PRMT9: variants seen among roughly 807,000 people sequenced by gnomAD.
PRMT9 encodes the protein protein arginine N-methyltransferase 9.
In PRMT9, 59 loss-of-function variants were observed where a neutral mutation model predicts 83.2. The observed-to-expected ratio is 0.71, with a 90% CI of 0.57 to 0.88. The LOEUF (loss-of-function observed/expected upper bound fraction) is 0.88. Among genes scored for constraint, PRMT9 ranks in the 40% least tolerant of loss-of-function variants. PRMT9 has a pLI of 0.00. For synonymous variants in PRMT9, 333 were observed against 353.2 expected (o/e 0.94, Z 0.64); for missense variants, 947 against 1,021.9 (o/e 0.93, Z 1.00).
intron 6 of PRMT9, among the ~76,000 whole-genome samples, chr4:147,667,676 A>C (rs1735432452): frequency 1.3e-5 from 2 of 152,228 alleles, no homozygotes; most frequent in South Asian, 4.1e-4. Context: ...ACCACTTATC[A>C]GTATGTCCTA....
In PRMT9 at chr4:147,639,061, C is replaced by T; in HGVS notation, c.2221G>A (p.Asp741Asn). The change falls in exon 11 of 12, where the codon GAC becomes AAC. Residue 741 changes from aspartate to asparagine, a missense_variant. Transcript: ENST00000322396. ...QFQVPIRVFL[D>N]LSSLPCIPLS... ...GGTATACAGGGCAATGAGGATAGGT[C>T]CAAAAATACACGTATAGGTACCTAG... The T allele has an allele frequency of 6.2e-7, 1 of 1,613,390 alleles. No individual in the cohort carries two copies. Among genetic ancestry groups the T allele is most frequent in the East Asian group, 2.2e-5 (1 of 44,766 alleles).
intron 1 of PRMT9, among the ~76,000 whole-genome samples, chr4:147,682,720 C>T (rs1040887128): frequency 2.0e-5 from 3 of 152,210 alleles, no homozygotes; most frequent in African/African-American, 7.2e-5. Flanking sequence ...TGAGTTGATC[C>T]ATTTTTCTAT....
chr4:147,643,746 A>G (rs1195925879), intron 9 of PRMT9, among the ~76,000 whole-genome samples: 2 of 152,120 alleles, frequency 1.3e-5, no homozygotes, highest in African/African-American at 2.4e-5. Context: ...TATAATCCCA[A>G]TACTTTGGGA....
intron 9 of PRMT9, among the ~76,000 whole-genome samples, chr4:147,643,635 C>G (rs145297408): frequency 2.6e-5 from 4 of 152,338 alleles, no homozygotes; most frequent in African/African-American, 9.6e-5. Context: ...AAGGGGGAAA[C>G]AGTAACTTAC....
intron 4 of PRMT9, among the ~76,000 whole-genome samples, chr4:147,671,087 C>T (rs1431573531): frequency 6.6e-6 from 1 of 152,140 alleles, no homozygotes; most frequent in East Asian, 1.9e-4. Flanking sequence ...CTTTATCAGT[C>T]TCTTCCTTAA....
chr4:147,651,148 T>C (rs765303259), intron 9 of PRMT9, among the ~76,000 whole-genome samples: 1 of 151,736 alleles, frequency 6.6e-6, no homozygotes, highest in African/African-American at 2.4e-5. Flanking sequence ...CCACAAATTA[T>C]GTTCAGAAAA....
intron 9 of PRMT9, among the ~76,000 whole-genome samples, chr4:147,653,530 G>C (rs1182640953): frequency 6.6e-6 from 1 of 151,794 alleles, no homozygotes. Flanking sequence ...GTCCCTTGGA[G>C]AAAGACTAAT....
At chr4:147,665,343 C>A (rs911399858) in intron 6 of PRMT9, among the ~76,000 whole-genome samples, 1 of 152,082 alleles carries the variant, frequency 6.6e-6, no homozygotes, top group South Asian at 2.1e-4. Context: ...ACTGTAAGGA[C>A]GAGCTGTACT....
Position 147,657,994 on chromosome 4 carries a change from G to GA in PRMT9, c.1147-20dup, listed in dbSNP as rs1734654942. ...TTAATTCCTGAGAAAAATGTAGAAG[G>GA]AATGAAACGGTTTTATATATTTCAT... On this transcript the variant is annotated intron_variant, in intron 7 of 11. Transcript: ENST00000322396. 1 of 1,505,828 alleles carries GA rather than the reference G, an allele frequency of 6.6e-7. No individual in the cohort carries two copies. The highest frequency in any genetic ancestry group is 2.3e-5 in the East Asian group (1 of 44,122). The allele number at this position is 1,505,828 out of a possible 1,614,324, so 93.3% of individuals were successfully genotyped here. A position where few individuals can be genotyped will look rare whatever the true frequency, so the allele number is the denominator to read the frequency against.
chr4:147,648,578 T>C (rs1733889303), intron 9 of PRMT9, among the ~76,000 whole-genome samples: 1 of 152,160 alleles, frequency 6.6e-6, no homozygotes, highest in African/African-American at 2.4e-5. Flanking sequence ...TGTGAACCAC[T>C]CTAGCAAAGT....
chr4:147,646,722 T>A (rs1560969794), intron 9 of PRMT9, among the ~76,000 whole-genome samples: 1 of 152,130 alleles, frequency 6.6e-6, no homozygotes. Context: ...CAGACACCTT[T>A]TGAGTGTACT....
In PRMT9 at chr4:147,654,501, T is replaced by G; in HGVS notation, c.1396A>C (p.Ile466Leu). The change falls in exon 9 of 12, where the codon ATC (isoleucine) becomes CTC (leucine). Residue 466 changes from isoleucine to leucine, a missense_variant. Ile to Leu is a conservative substitution (Grantham distance 5). Coordinates refer to ENST00000322396, the MANE Select transcript of PRMT9 (RefSeq NM_138364.4). ...EVSCQDCYLR[I>L]QSISVLGLEC... ...AAACCCAAGACACTAATACTCTGGA[T>G]TCTTAAGTAACAGTCTTGACAAGAT... 2 of 1,614,028 alleles carry G rather than the reference T, an allele frequency of 1.2e-6. No homozygotes were observed. Among genetic ancestry groups the G allele is most frequent in the Non-Finnish European group, 1.7e-6 (2 of 1,179,998 alleles).
At chr4:147,639,670 C>A (rs1276843459) in intron 10 of PRMT9, among the ~76,000 whole-genome samples, 1 of 152,166 alleles carries the variant, frequency 6.6e-6, no homozygotes, top group Non-Finnish European at 1.5e-5. Flanking sequence ...TTGTGAATCA[C>A]TATTAAGTGT....
chr4:147,670,049 T>C (rs1735625584), intron 5 of PRMT9, among the ~76,000 whole-genome samples: 1 of 152,198 alleles, frequency 6.6e-6, no homozygotes, highest in Non-Finnish European at 1.5e-5. Context: ...CCATAGTCAG[T>C]CCGTCCATAA....
intron 10 of PRMT9, among the ~76,000 whole-genome samples, chr4:147,641,620 TTC>T (rs897460155): frequency 2.0e-5 from 3 of 152,156 alleles, no homozygotes; most frequent in Admixed American, 6.5e-5. Context: ...GAGAGTAAAC[TTC>T]TCTCTTTATT....
At chr4:147,650,914 A>G (rs772289106) in intron 9 of PRMT9, among the ~76,000 whole-genome samples, 27 of 152,208 alleles carry the variant, frequency 1.8e-4, no homozygotes, top group Non-Finnish European at 3.7e-4. Flanking sequence ...CATCCTGGCT[A>G]ACACGGTGAA....
At position 147,642,902 on chromosome 4, in the gene PRMT9, T is replaced by C; in HGVS notation, c.2084A>G (p.Tyr695Cys). 1 of 1,614,070 alleles carries C rather than the reference T, an allele frequency of 6.2e-7. No individual in the cohort carries two copies. Among genetic ancestry groups the C allele is most frequent in the South Asian group, 1.1e-5 (1 of 91,078 alleles). The change falls in exon 10 of 12, where the codon TAT (tyrosine) becomes TGT (cysteine). Residue 695 changes from tyrosine to cysteine, a missense_variant. Physicochemically the swap from Tyr to Cys is radical, Grantham distance 194. Coordinates refer to ENST00000322396, the MANE Select transcript of PRMT9 (RefSeq NM_138364.4). ...LQSGGKIFPQ[Y>C]VLMFGLLVES... ...CACAAGCAACCCAAACATCAGCACA[T>C]ACTGAGGAAAGATCTTGCCTCCAGA... is the stretch of plus-strand genomic sequence containing the variant.
intron 4 of PRMT9, chr4:147,671,800 A>T: frequency 2.2e-6 from 1 of 454,026 alleles, no homozygotes; most frequent in Non-Finnish European, 4.4e-6. Flanking sequence ...TGTGAGAAAA[A>T]GGTAGATTAA....
rs1736680712 is a variant in PRMT9, at chr4:147,683,906, A to C, written c.82T>G (p.Ser28Ala). The C allele has an allele frequency of 1.9e-6, 3 of 1,613,290 alleles. No individual in the cohort carries two copies. Among genetic ancestry groups the C allele is most frequent in the Non-Finnish European group, 1.7e-6 (2 of 1,179,874 alleles). Reference protein sequence around the residue: ...AAGRDELVSRSLQSAEHCLGV... With the variant: ...AAGRDELVSRALQSAEHCLGV... Reference sequence around the variant, plus strand: ...AGACAGTGCTCTGCGCTCTGCAAGGACCGCGACACCAGCTCGTCCCGGCCG... The same window carrying C: ...AGACAGTGCTCTGCGCTCTGCAAGGCCCGCGACACCAGCTCGTCCCGGCCG... Residue 28 changes from serine to alanine, a missense_variant, in exon 1 of 12, where the codon TCC (serine) becomes GCC (alanine). Ser to Ala is a moderately conservative substitution (Grantham distance 99). Coordinates refer to ENST00000322396, the MANE Select transcript of PRMT9 (RefSeq NM_138364.4).
Sources: allele counts gnomAD v4.1 joint callset (sites outside exome capture counted in the v4.1 genomes callset), GRCh38; gene constraint gnomAD v4.1.1; transcripts MANE v1.5; gene names NCBI Gene and HGNC (gene_info 2026-07-23, HGNC 2026-07-21).